Variants in SLC25A21 observed in about 807,000 individuals in gnomAD.
SLC25A21 encodes the protein solute carrier family 25 member 21, also known as mitochondrial 2-oxodicarboxylate carrier.
SLC25A21 carries 47 observed loss-of-function variants against 43.8 expected under a neutral mutation model. The ratio of observed to expected loss-of-function variants is 1.07; its 90% CI spans 0.85 to 1.37. The LOEUF (loss-of-function observed/expected upper bound fraction) is 1.37. Among genes scored for constraint, SLC25A21 ranks in the 40% most tolerant of loss-of-function variants. The pLI is 0.00. For synonymous variants in SLC25A21, 131 were observed against 121.3 expected, an observed-to-expected ratio of 1.08 and a Z score of -0.52; for missense variants, 352 against 350.2, an observed-to-expected ratio of 1.00 and a Z score of -0.04.
intron 1 of SLC25A21, among the ~76,000 whole-genome samples, chr14:36,912,478 C>T (rs1891714135): frequency 6.6e-6 from 1 of 152,130 alleles, no homozygotes; most frequent in South Asian, 2.1e-4. Flanking sequence ...CTAAACAAAT[C>T]TGAGTGGATT....
At chr14:36,936,306 C>A (rs923399757) in intron 1 of SLC25A21, among the ~76,000 whole-genome samples, 7 of 152,108 alleles carry the variant, frequency 4.6e-5, no homozygotes, top group Non-Finnish European at 4.4e-5. Context: ...GTGAAGGAAC[C>A]AAACAGACTG....
At chr14:36,891,217 T>G (rs1422787357) in intron 1 of SLC25A21, among the ~76,000 whole-genome samples, 1 of 152,150 alleles carries the variant, frequency 6.6e-6, no homozygotes, top group Non-Finnish European at 1.5e-5. Flanking sequence ...AAATTATAAC[T>G]CTGAAAATCT....
chr14:37,168,392 A>G (rs1403434670), intron 1 of SLC25A21, among the ~76,000 whole-genome samples: 1 of 152,130 alleles, frequency 6.6e-6, no homozygotes, highest in Non-Finnish European at 1.5e-5. Context: ...CAGTGCATCA[A>G]TCTCTTCAGT....
At chr14:36,729,642 T>A in intron 4 of SLC25A21, 76 bp from the exon 5 acceptor site, 1 of 1,231,806 alleles carries the variant, frequency 8.1e-7, no homozygotes, top group Non-Finnish European at 1.2e-6. Context: ...CAAATTTCTT[T>A]GGTAAATCAT....
At chr14:36,732,580 C>T (rs2139225156) in intron 4 of SLC25A21, among the ~76,000 whole-genome samples, 1 of 152,182 alleles carries the variant, frequency 6.6e-6, no homozygotes, top group Non-Finnish European at 1.5e-5. Flanking sequence ...TACATAAAAA[C>T]TTAAGATTGT....
intron 1 of SLC25A21, among the ~76,000 whole-genome samples, chr14:37,096,071 A>C (rs1489289004): frequency 6.6e-6 from 1 of 152,192 alleles, no homozygotes; most frequent in Admixed American, 6.5e-5. Flanking sequence ...AATAATAACA[A>C]AAGAGTGAAG....
intron 1 of SLC25A21, among the ~76,000 whole-genome samples, chr14:36,978,069 G>A (rs1329368039): frequency 6.6e-6 from 1 of 151,918 alleles, no homozygotes; most frequent in African/African-American, 2.4e-5. Context: ...ATCAAGATGT[G>A]ATTATAAAGT....
intron 1 of SLC25A21, among the ~76,000 whole-genome samples, chr14:37,150,139 A>G (rs1963733933): frequency 6.6e-6 from 1 of 152,200 alleles, no homozygotes; most frequent in South Asian, 2.1e-4. Flanking sequence ...TCCCAGATAC[A>G]TAAATAAAAC....
intron 1 of SLC25A21, among the ~76,000 whole-genome samples, chr14:36,991,330 AC>A (rs1300910352): frequency 6.6e-6 from 1 of 152,142 alleles, no homozygotes; most frequent in African/African-American, 2.4e-5. Context: ...CAAGCTTCAC[AC>A]CATCTTTACA....
At chr14:36,806,463 T>C (rs1012585361) in intron 3 of SLC25A21, among the ~76,000 whole-genome samples, 11 of 152,180 alleles carry the variant, frequency 7.2e-5, no homozygotes, top group Non-Finnish European at 1.3e-4. Context: ...ATTGCATGTA[T>C]TGAAGTGTCC....
At chr14:36,734,608 G>C in intron 3 of SLC25A21, 35 bp from the exon 4 acceptor site, 1 of 1,500,972 alleles carries the variant, frequency 6.7e-7, no homozygotes. Flanking sequence ...TATGAGTAAG[G>C]AAATTAGGCA....
intron 2 of SLC25A21, among the ~76,000 whole-genome samples, chr14:36,849,443 A>G (rs1889653722): frequency 6.6e-6 from 1 of 152,262 alleles, no homozygotes; most frequent in Non-Finnish European, 1.5e-5. Context: ...TTTATGTTTC[A>G]TAATGAACAA....
At chr14:37,166,552 T>C (rs1388942640) in intron 1 of SLC25A21, among the ~76,000 whole-genome samples, 2 of 152,218 alleles carry the variant, frequency 1.3e-5, no homozygotes, top group Non-Finnish European at 2.9e-5. Flanking sequence ...TGTGAAGTTG[T>C]GGAAAGGATT....
At position 37,006,943 on chromosome 14, in the gene SLC25A21, A is replaced by G. The variant is rs1960617577; in HGVS notation, c.71-131939T>C. ...TGGAATCTTTACAATCTCCTAAAACAAACAAACAAACAAACCCAGCATAAT... is the reference window on the plus strand; with the variant it reads ...TGGAATCTTTACAATCTCCTAAAACGAACAAACAAACAAACCCAGCATAAT... On this transcript the variant is annotated intron_variant, in intron 1 of 9. Coordinates refer to ENST00000331299, the MANE Select transcript of SLC25A21 (RefSeq NM_030631.4). Among the ~76,000 whole-genome samples, 3 of 152,186 alleles carry G rather than the reference A, an allele frequency of 2.0e-5. No individual in the cohort carries two copies. The South Asian group carries it at 6.2e-4, about 31-fold the overall frequency.
intron 1 of SLC25A21, among the ~76,000 whole-genome samples, chr14:36,985,545 T>C (rs1960128141): frequency 6.6e-6 from 1 of 152,204 alleles, no homozygotes; most frequent in East Asian, 1.9e-4. Flanking sequence ...GGCCAGTGAT[T>C]TTGCAGAATG....
chr14:36,703,162 T>C (rs897012297), intron 7 of SLC25A21, among the ~76,000 whole-genome samples: 13 of 152,184 alleles, frequency 8.5e-5, no homozygotes, highest in African/African-American at 3.1e-4. Flanking sequence ...GAAAATTAAA[T>C]GGTCATAAAT....
chr14:36,988,112 AG>A (rs1178418397), intron 1 of SLC25A21, among the ~76,000 whole-genome samples: 1 of 152,206 alleles, frequency 6.6e-6, no homozygotes, highest in African/African-American at 2.4e-5. Flanking sequence ...TGGAGAGCAC[AG>A]TCTCTGCCAT....
chr14:36,925,570 G>A (rs1376167020), intron 1 of SLC25A21, among the ~76,000 whole-genome samples: 1 of 152,168 alleles, frequency 6.6e-6, no homozygotes, highest in Non-Finnish European at 1.5e-5. Flanking sequence ...CTTCTGGCAA[G>A]CCACGGTGGC....
chr14:37,109,586 A>G (rs2138875494), intron 1 of SLC25A21, among the ~76,000 whole-genome samples: 1 of 152,278 alleles, frequency 6.6e-6, no homozygotes, highest in Non-Finnish European at 1.5e-5. Context: ...TACCTGTCAC[A>G]GAGAGTGGTT....
Sources: gnomAD v4.1 joint callset for allele counts (sites outside exome capture counted in the v4.1 genomes callset) on GRCh38, gnomAD v4.1.1 for gene constraint, MANE v1.5 for transcripts, NCBI Gene and HGNC (gene_info 2026-07-23, HGNC 2026-07-21) for gene names.